CSNK1D: variants seen among roughly 807,000 people sequenced by gnomAD.
CSNK1D encodes casein kinase I isoform delta.
Under a neutral mutation model 46.6 loss-of-function variants are expected in CSNK1D, and 16 were observed. The ratio of observed to expected loss-of-function variants is 0.34; its 90% confidence interval spans 0.23 to 0.52. CSNK1D has a LOEUF of 0.52. CSNK1D is among the 20% of genes least tolerant of loss of function. The probability of loss-of-function intolerance (pLI) is 0.95; values close to 1 mark genes in which losing one functional copy is unlikely to be tolerated. For synonymous variants in CSNK1D, 276 were observed against 228.2 expected (o/e 1.21, Z -1.89); for missense variants, 398 against 578.4 (o/e 0.69, Z 3.20).
At chr17:82,268,833 C>A (rs537467531) in intron 1 of CSNK1D, among the ~76,000 whole-genome samples, 1 of 152,040 alleles carries the variant, frequency 6.6e-6, no homozygotes, top group African/African-American at 2.4e-5. Context: ...GTGGTTCACG[C>A]CTGTAATCCC....
At position 82,248,583 on chromosome 17, in the gene CSNK1D, C is replaced by T. The variant is rs1045294275; in HGVS notation, c.1197+292G>A. 7.9e-6 allele frequency: 10 copies of T among 1,259,992 alleles called. No homozygotes were observed. The highest frequency in any genetic ancestry group is 4.6e-5 in the African/African-American group (3 of 65,266). The allele number at this position is 1,259,992 out of a possible 1,614,324, so 78.1% of individuals were successfully genotyped here. A position where few individuals can be genotyped will look rare whatever the true frequency, so the allele number is the denominator to read the frequency against. On this transcript the variant is annotated intron_variant, in intron 8 of 8. Coordinates refer to ENST00000314028, the MANE Select transcript of CSNK1D (RefSeq NM_001893.6). The surrounding 1 kb of genome is among the most constrained non-coding windows in gnomAD (Gnocchi z 4.1). ...GCTGCCTGGGGACGGCTGCGGGCAG[C>T]GGGGCACTCAAACAGCAGGAGAAAG...
chr17:82,264,190 T>G (rs1373759268), intron 2 of CSNK1D, among the ~76,000 whole-genome samples: 1 of 152,256 alleles, frequency 6.6e-6, no homozygotes, highest in Non-Finnish European at 1.5e-5. Flanking sequence ...GGTTTTCCTT[T>G]GGCCAGTTGC....
At chr17:82,262,742 T>C (rs2051372316) in intron 2 of CSNK1D, among the ~76,000 whole-genome samples, 1 of 152,248 alleles carries the variant, frequency 6.6e-6, no homozygotes, top group Non-Finnish European at 1.5e-5. Context: ...TGGCAAGATC[T>C]GGTGGCTTCT....
chr17:82,266,721 A>G (rs2051477752), intron 1 of CSNK1D: 1 of 152,478 alleles, frequency 6.6e-6, no homozygotes, highest in Non-Finnish European at 1.5e-5. Context: ...CACACAGTAC[A>G]TACCCAGCTC....
Position 82,270,279 on chromosome 17 carries a change from G to A in CSNK1D, c.76+3027C>T, listed in dbSNP as rs73999831. ...GCCCTCCAACTGTCACAGCAGGGTCGGGGCAGGCAGGCCCACACCACGCTT... is the reference window on the plus strand; with the variant it reads ...GCCCTCCAACTGTCACAGCAGGGTCAGGGCAGGCAGGCCCACACCACGCTT... On this transcript the variant is annotated intron_variant, in intron 1 of 8. Coordinates refer to ENST00000314028, the MANE Select transcript of CSNK1D (RefSeq NM_001893.6). Among the ~76,000 whole-genome samples, 613 of 152,250 alleles carry A rather than the reference G, an allele frequency of 4.0e-3. 3 individuals carry two copies. Among genetic ancestry groups the A allele is most frequent in the African/African-American group, 0.013 (545 of 41,540 alleles).
In CSNK1D at chr17:82,248,051, G is replaced by A; in HGVS notation, c.1197+824C>T. On this transcript the variant is annotated intron_variant, in intron 8 of 8. Transcript: ENST00000314028. The surrounding 1 kb of genome is among the most constrained non-coding windows in gnomAD (Gnocchi z 4.1). ...CACCTCCCCACAAGCCCAGAGCCAG[G>A]CTCCAGGGCATTTCTGAACTGAGTT... 1 of 985,462 alleles carries A rather than the reference G, an allele frequency of 1.0e-6. No individual in the cohort carries two copies. Among genetic ancestry groups the A allele is most frequent in the Non-Finnish European group, 1.2e-6 (1 of 829,958 alleles). 61.0% of individuals were successfully genotyped at this position (985,462 alleles called of 1,614,324 possible). A position where few individuals can be genotyped will look rare whatever the true frequency, so the allele number is the denominator to read the frequency against.
downstream of CSNK1D, among the ~76,000 whole-genome samples, chr17:82,242,028 G>A (rs1168386466): frequency 6.7e-6 from 1 of 150,358 alleles, no homozygotes; most frequent in Non-Finnish European, 1.5e-5. Flanking sequence ...GGGGCCAAGG[G>A]AGTGGCCTGG....
In CSNK1D at chr17:82,273,268, G is replaced by A. The variant is rs755868604; in HGVS notation, c.76+38C>T. On this transcript the variant is annotated intron_variant, in intron 1 of 8. Coordinates refer to ENST00000314028, the MANE Select transcript of CSNK1D (RefSeq NM_001893.6). This position sits in a 1 kb window ranked among gnomAD's most constrained non-coding sequence, Gnocchi z 5.1. Reference sequence around the variant, plus strand: ...CTTGGTCTTGGCAGCCGCAGGGCCCGGGTCTTCGGGCGGCGGGCGGGGGCG... The same window carrying A: ...CTTGGTCTTGGCAGCCGCAGGGCCCAGGTCTTCGGGCGGCGGGCGGGGGCG... 1.3e-6 allele frequency: 2 copies of A among 1,571,950 alleles called. No individual in the cohort carries two copies. Among genetic ancestry groups the A allele is most frequent in the Non-Finnish European group, 1.7e-6 (2 of 1,164,954 alleles).
chr17:82,256,596 G>A (rs1367510332), intron 2 of CSNK1D, among the ~76,000 whole-genome samples: 4 of 151,936 alleles, frequency 2.6e-5, no homozygotes, highest in South Asian at 4.2e-4. Context: ...AAAAGTCAAC[G>A]ACCACAAGAA....
downstream of CSNK1D, among the ~76,000 whole-genome samples, chr17:82,242,122 G>A (rs897292282): frequency 1.3e-5 from 2 of 151,896 alleles, no homozygotes; most frequent in African/African-American, 4.8e-5. Context: ...ACCCACACAC[G>A]AGCACAGGTT....
chr17:82,244,578 G>T lies in CSNK1D; in HGVS notation c.*203C>A. The T allele has an allele frequency of 6.7e-7, 1 of 1,497,058 alleles. No individual in the cohort carries two copies. The highest frequency in any genetic ancestry group is 8.9e-7 in the Non-Finnish European group (1 of 1,123,256). The allele number at this position is 1,497,058 out of a possible 1,614,324, so 92.7% of individuals were successfully genotyped here. ...TACAACCGAGTTCACGTGGGGGGCC[G>T]CAGTGCAGCCCCAGCGGTGGCAGCT... On this transcript the variant is annotated 3_prime_UTR_variant, in exon 9 of 9. Coordinates refer to ENST00000314028, the MANE Select transcript of CSNK1D (RefSeq NM_001893.6).
chr17:82,253,158 C>T lies in CSNK1D; in HGVS notation c.423G>A (p.Lys141=). 3.1e-6 allele frequency: 5 copies of T among 1,614,226 alleles called. No individual in the cohort carries two copies. Among genetic ancestry groups the T allele is most frequent in the Non-Finnish European group, 4.2e-6 (5 of 1,180,026 alleles). Reference sequence around the variant, plus strand: ...AGTCGATGATGTACACCAGGTTGCCCTTCTTCCCCAGGCCCATGAGGAAGT... The same window carrying T: ...AGTCGATGATGTACACCAGGTTGCCTTTCTTCCCCAGGCCCATGAGGAAGT... ...PDNFLMGLGK[K]GNLVYIIDFG... The change falls in exon 4 of 9, where the codon AAG becomes AAA. Residue 141 remains lysine (K), a synonymous_variant. Coordinates refer to ENST00000314028, the MANE Select transcript of CSNK1D (RefSeq NM_001893.6).
At position 82,252,249 on chromosome 17, in the gene CSNK1D, A is replaced by G. The variant is rs1025333060; in HGVS notation, c.736+185T>C. Among the ~76,000 whole-genome samples, 5 of 152,212 alleles carry G rather than the reference A, an allele frequency of 3.3e-5. No individual in the cohort carries two copies. The highest frequency in any genetic ancestry group is 7.4e-5 in the Non-Finnish European group (5 of 68,026). ...CACGCTGATGGGCACTTGGCAAGTA[A>G]GTCAAGATGAACAGGAGGGCAGGCT... On this transcript the variant is annotated intron_variant, in intron 5 of 8. Transcript: ENST00000314028. The surrounding 1 kb of genome is among the most constrained non-coding windows in gnomAD (Gnocchi z 4.6).
intron 1 of CSNK1D, among the ~76,000 whole-genome samples, chr17:82,270,630 T>G (rs1039396612): frequency 2.3e-4 from 35 of 152,294 alleles, no homozygotes; most frequent in African/African-American, 8.4e-4. Flanking sequence ...TAACTGCCAT[T>G]CTGCTCAGAC....
At position 82,249,738 on chromosome 17, in the gene CSNK1D, A is replaced by G. The variant is rs2050951816; in HGVS notation, c.886-136T>C. 2 of 1,504,510 alleles carry G rather than the reference A, an allele frequency of 1.3e-6. No individual in the cohort carries two copies. The highest frequency in any genetic ancestry group is 2.0e-5 in the Admixed American group (1 of 49,292). 93.2% of individuals were successfully genotyped at this position (1,504,510 alleles called of 1,614,324 possible). A position where few individuals can be genotyped will look rare whatever the true frequency, so the allele number is the denominator to read the frequency against. On this transcript the variant is annotated intron_variant, in intron 6 of 8. Transcript: ENST00000314028. The surrounding 1 kb of genome is among the most constrained non-coding windows in gnomAD (Gnocchi z 6.7). The stretch of plus-strand genomic sequence containing the variant: ...CGAGACTGCCTGCAAAGCCCCCCAC[A>G]GGCTGCACGTTTCTCCTCATGGGAT...
chr17:82,251,274 A>G lies in CSNK1D; in HGVS notation c.885+105T>C, dbSNP rs2051000872. 3 of 1,356,410 alleles carry G rather than the reference A, an allele frequency of 2.2e-6. No homozygotes were observed. Among genetic ancestry groups the G allele is most frequent in the Non-Finnish European group, 3.1e-6 (3 of 960,450 alleles). The allele number at this position is 1,356,410 out of a possible 1,614,324, so 84.0% of individuals were successfully genotyped here. A position where few individuals can be genotyped will look rare whatever the true frequency, so the allele number is the denominator to read the frequency against. On this transcript the variant is annotated intron_variant, in intron 6 of 8. Coordinates refer to ENST00000314028, the MANE Select transcript of CSNK1D (RefSeq NM_001893.6). The surrounding 1 kb of genome is among the most constrained non-coding windows in gnomAD (Gnocchi z 4.5). ...ACACTTGCCCTTCACAACCAGAGAC[A>G]CTCCCTATATGGTACAGCCCCTCAA...
In CSNK1D at chr17:82,273,171, T is replaced by C; in HGVS notation, c.76+135A>G. 2.2e-6 allele frequency: 2 copies of C among 912,590 alleles called. No individual in the cohort carries two copies. The highest frequency in any genetic ancestry group is 2.8e-5 in the East Asian group (1 of 36,012). 56.5% of individuals were successfully genotyped at this position (912,590 alleles called of 1,614,324 possible). A position where few individuals can be genotyped will look rare whatever the true frequency, so the allele number is the denominator to read the frequency against. On this transcript the variant is annotated intron_variant, in intron 1 of 8. Transcript: ENST00000314028. The surrounding 1 kb of genome is among the most constrained non-coding windows in gnomAD (Gnocchi z 5.1). ...CGCTAGCCTAGTGGCCGTTGGGTTC[T>C]GGCCACGATCCGGCGGTGCCGGGAC... is the stretch of plus-strand genomic sequence containing the variant.
At position 82,273,296 on chromosome 17, in the gene CSNK1D, G is replaced by A. The variant is rs777056146; in HGVS notation, c.76+10C>T. The A allele has an allele frequency of 1.2e-6, 2 of 1,603,916 alleles. No homozygotes were observed. Among genetic ancestry groups the A allele is most frequent in the Non-Finnish European group, 1.7e-6 (2 of 1,177,080 alleles). ...TCTTCGGGCGGCGGGCGGGGGCGGC[G>A]GGGCCTCACCGAGATAGATGTCTCC... On this transcript the variant is annotated intron_variant, in intron 1 of 8. Coordinates refer to ENST00000314028, the MANE Select transcript of CSNK1D (RefSeq NM_001893.6). This position sits in a 1 kb window ranked among gnomAD's most constrained non-coding sequence, Gnocchi z 5.1.
intron 3 of CSNK1D, 52 bp from the exon 4 acceptor site, chr17:82,253,296 G>A (rs771754169): frequency 7.2e-7 from 1 of 1,395,638 alleles, no homozygotes; most frequent in Non-Finnish European, 1.0e-6. Flanking sequence ...TCTCAGGGAG[G>A]GACCGCTCAA....
Sources: gnomAD v4.1 joint callset for allele counts (sites outside exome capture counted in the v4.1 genomes callset) on GRCh38, gnomAD v4.1.1 for gene constraint, Gnocchi (gnomAD v3.1) non-coding constraint, MANE v1.5 for transcripts, NCBI Gene and HGNC (gene_info 2026-07-23, HGNC 2026-07-21) for gene names.